Variants in ARMC3 observed in about 807,000 individuals in gnomAD.
The protein encoded by ARMC3 is armadillo repeat-containing protein 3.
ARMC3 carries 74 observed loss-of-function variants against 90.3 expected under a neutral mutation model. The observed-to-expected ratio is 0.82, with a 90% CI of 0.68 to 0.99. The LOEUF is 0.99. Among genes scored for constraint, ARMC3 ranks in the 50% least tolerant of loss-of-function variants. The pLI, the probability that ARMC3 is intolerant of heterozygous loss-of-function variation, is 0.00. For synonymous variants in ARMC3, 334 were observed against 361.8 expected, an observed-to-expected ratio of 0.92 and a Z score of 0.87; for missense variants, 958 against 1,042.8, an observed-to-expected ratio of 0.92 and a Z score of 1.12.
At chr10:22,985,631 C>T (rs1233609478) in intron 10 of ARMC3, among the ~76,000 whole-genome samples, 1 of 152,166 alleles carries the variant, frequency 6.6e-6, no homozygotes, top group Admixed American at 6.5e-5. Context: ...CCATTCCCTA[C>T]CCCCACAGAT....
chr10:22,953,171 G>C (rs1230243051), intron 3 of ARMC3, among the ~76,000 whole-genome samples: 1 of 152,074 alleles, frequency 6.6e-6, no homozygotes, highest in African/African-American at 2.4e-5. Flanking sequence ...GTGATTTCTG[G>C]CTTTGAAGAC....
intron 2 of ARMC3, among the ~76,000 whole-genome samples, chr10:22,933,334 G>T (rs1397012402): frequency 1.3e-5 from 2 of 151,970 alleles, no homozygotes; most frequent in African/African-American, 4.8e-5. Flanking sequence ...AATGGCATCT[G>T]ATTAGCAAAA....
chr10:23,017,128 A>T (rs1417652831), intron 16 of ARMC3, among the ~76,000 whole-genome samples: 1 of 152,140 alleles, frequency 6.6e-6, no homozygotes, highest in Non-Finnish European at 1.5e-5. Flanking sequence ...TCTCTGGGAA[A>T]TACTAACTTT....
chr10:23,006,903 T>C lies in ARMC3; in HGVS notation c.1751T>C (p.Leu584Pro), dbSNP rs1837642498. Residue 584 changes from leucine to proline, a missense_variant, in exon 14 of 19, where the codon CTG becomes CCG. By Grantham distance (98) the Leu-to-Pro change is moderately conservative (BLOSUM62 -3). Transcript: ENST00000298032. ...TCACAGATAAATCCCGGCACCAAAC[T>C]GTTGCCTTTGAAGGAGCTCTGCTTA... is the stretch of plus-strand genomic sequence containing the variant. Reference protein sequence around the residue: ...DYGRINPGTKLLPLKELCLQE... With the variant: ...DYGRINPGTKPLPLKELCLQE... The C allele has an allele frequency of 6.2e-7, 1 of 1,613,994 alleles. No homozygotes were observed. Among genetic ancestry groups the C allele is most frequent in the Non-Finnish European group, 8.5e-7 (1 of 1,179,974 alleles).
chr10:23,030,703 C>T lies in ARMC3; in HGVS notation c.2153C>T (p.Pro718Leu), dbSNP rs1392840593. ...AGCTCTGACAAAGAATGGTGTCCTC[C>T]CTCTGACCCTGATTTCTCTATGTAT... ...EGSSDKEWCP[P>L]SDPDFSMYVY... The change falls in exon 17 of 19, where the codon CCC (proline) becomes CTC (leucine). Residue 718 changes from proline (P) to leucine (L), a missense_variant. Coordinates refer to ENST00000298032, the MANE Select transcript of ARMC3 (RefSeq NM_173081.5). The T allele has an allele frequency of 7.4e-6, 12 of 1,613,698 alleles. No individual in the cohort carries two copies. The highest frequency in any genetic ancestry group is 1.7e-5 in the Admixed American group (1 of 59,954).
intron 10 of ARMC3, among the ~76,000 whole-genome samples, chr10:22,984,408 A>T (rs1311881729): frequency 2.0e-5 from 3 of 152,220 alleles, no homozygotes; most frequent in Non-Finnish European, 4.4e-5. Context: ...TAATCAACAC[A>T]GGGAAGGAGA....
At chr10:22,959,976 T>C (rs1401504593) in intron 6 of ARMC3, 9 of 371,492 alleles carry the variant, frequency 2.4e-5, no homozygotes, top group Non-Finnish European at 4.2e-5. Context: ...TAGGCTTATT[T>C]GTTGCTAAAA....
intron 7 of ARMC3, among the ~76,000 whole-genome samples, chr10:22,966,214 C>T (rs1197627863): frequency 6.6e-6 from 1 of 152,176 alleles, no homozygotes; most frequent in African/African-American, 2.4e-5. Context: ...GGAGTTCTCC[C>T]CAGAGCTTCT....
chr10:22,951,894 G>A (rs1316194746), intron 3 of ARMC3, among the ~76,000 whole-genome samples: 1 of 152,166 alleles, frequency 6.6e-6, no homozygotes, highest in African/African-American at 2.4e-5. Context: ...ACTTTGAGAG[G>A]CTGAGGTGGG....
At position 22,998,363 on chromosome 10, in the gene ARMC3, C is replaced by A. The variant is rs762306973; in HGVS notation, c.1391C>A (p.Thr464Asn). 1.2e-6 allele frequency: 2 copies of A among 1,614,000 alleles called. No individual in the cohort carries two copies. Among genetic ancestry groups the A allele is most frequent in the Non-Finnish European group, 1.7e-6 (2 of 1,180,020 alleles). ...CAGAGCAAAGCTGCTCTCGCTGTCA[C>A]CGCAACTGCGTGTGACGTTGAAGCC... ...VVQSKAALAV[T>N]ATACDVEART... Residue 464 changes from threonine (T) to asparagine (N), a missense_variant, in exon 11 of 19, where the codon ACC becomes AAC. Coordinates refer to ENST00000298032, the MANE Select transcript of ARMC3 (RefSeq NM_173081.5).
intron 6 of ARMC3, chr10:22,961,589 C>T (rs1207583886): frequency 7.4e-6 from 2 of 271,806 alleles, no homozygotes; most frequent in Non-Finnish European, 1.4e-5. Context: ...TTTCATTATG[C>T]ATAGATTTTA....
chr10:22,972,687 C>T (rs544355274), intron 8 of ARMC3, among the ~76,000 whole-genome samples: 16 of 152,178 alleles, frequency 1.1e-4, no homozygotes, highest in Non-Finnish European at 1.6e-4. Context: ...TAGTCTCTCT[C>T]CACGCATGTC....
At chr10:22,951,069 C>G (rs1834723250) in intron 3 of ARMC3, among the ~76,000 whole-genome samples, 2 of 151,750 alleles carry the variant, frequency 1.3e-5, no homozygotes, top group South Asian at 2.1e-4. Context: ...TCCCAAGTAG[C>G]TGGGACTACA....
chr10:22,979,003 T>A (rs140088822), intron 8 of ARMC3, among the ~76,000 whole-genome samples: 2 of 152,192 alleles, frequency 1.3e-5, no homozygotes, highest in African/African-American at 4.8e-5. Flanking sequence ...CCCAAATCAA[T>A]ATGCCTTTGA....
Position 22,998,200 on chromosome 10 carries a change from A to C in ARMC3, c.1228A>C (p.Lys410Gln). Reference sequence around the variant, plus strand: ...TCCATTAATAAACCTCCTGTCTAGTAAACGAGATGGAGCCATTGCCAACGC... The same window carrying C: ...TCCATTAATAAACCTCCTGTCTAGTCAACGAGATGGAGCCATTGCCAACGC... ...IDPLINLLSSKRDGAIANAAT... is the reference protein window; with the variant it reads ...IDPLINLLSSQRDGAIANAAT... Residue 410 changes from lysine (K) to glutamine (Q), a missense_variant, in exon 11 of 19, where the codon AAA becomes CAA. Physicochemically the swap from Lys to Gln is moderately conservative, Grantham distance 53. Transcript: ENST00000298032. 1 of 1,613,874 alleles carries C rather than the reference A, an allele frequency of 6.2e-7. No homozygotes were observed. Among genetic ancestry groups the C allele is most frequent in the Non-Finnish European group, 8.5e-7 (1 of 1,179,898 alleles).
At chr10:23,023,376 C>T (rs751523047) in intron 16 of ARMC3, among the ~76,000 whole-genome samples, 4 of 152,136 alleles carry the variant, frequency 2.6e-5, no homozygotes, top group African/African-American at 4.8e-5. Flanking sequence ...AGACTGCTTG[C>T]TAAAATACAT....
chr10:23,034,239 T>C (rs1304891048), intron 18 of ARMC3, among the ~76,000 whole-genome samples: 1 of 152,134 alleles, frequency 6.6e-6, no homozygotes, highest in Non-Finnish European at 1.5e-5. Flanking sequence ...TTCTCTCTCT[T>C]AGCTATTTTC....
chr10:22,986,110 GC>G lies in ARMC3; in HGVS notation c.1175+4420del, dbSNP rs147031860. Among the ~76,000 whole-genome samples the G allele has an allele frequency of 8.6e-4, 87 of 101,540 alleles. 4 individuals carry two copies. Among genetic ancestry groups the G allele is most frequent in the Middle Eastern group, 5.7e-3 (1 of 176 alleles). The allele number at this position is 101,540 out of a possible 152,430, so 66.6% of individuals were successfully genotyped here. A position where few individuals can be genotyped will look rare whatever the true frequency, so the allele number is the denominator to read the frequency against. On this transcript the variant is annotated intron_variant, in intron 10 of 18. Coordinates refer to ENST00000298032, the MANE Select transcript of ARMC3 (RefSeq NM_173081.5). ...GCACCCCCACACCCCTGCACTGCAC[GC>G]CCCCCCCCCGCGCCACACACCAACC...
At chr10:22,956,160 T>A (rs1220702685) in intron 4 of ARMC3, among the ~76,000 whole-genome samples, 1 of 152,196 alleles carries the variant, frequency 6.6e-6, no homozygotes, top group Non-Finnish European at 1.5e-5. Flanking sequence ...CCTCTCAGAA[T>A]TGGTGATGTA....
Sources: gnomAD v4.1 joint callset for allele counts (sites outside exome capture counted in the v4.1 genomes callset) on GRCh38, gnomAD v4.1.1 for gene constraint, MANE v1.5 for transcripts, NCBI Gene and HGNC (gene_info 2026-07-23, HGNC 2026-07-21) for gene names.